Variants in VPS13B observed in about 807,000 individuals in gnomAD.
VPS13B encodes the protein intermembrane lipid transfer protein VPS13B.
A neutral mutation model predicts 426.4 loss-of-function variants in VPS13B; 285 were observed. The ratio of observed to expected loss-of-function variants is 0.67; its 90% CI spans 0.61 to 0.74. The LOEUF is 0.74. Ranked by LOEUF, VPS13B falls within the 30% of genes least tolerant of loss-of-function variation. The pLI, the probability that VPS13B is intolerant of heterozygous loss-of-function variation, is 0.00. For missense variants in VPS13B, 4,537 were observed against 4,782.6 expected, an observed-to-expected ratio of 0.95 and a Z score of 1.51; for synonymous variants, 1,676 against 1,676.4, an observed-to-expected ratio of 1.00 and a Z score of 0.01.
intron 51 of VPS13B, 28 bp from the exon 52 acceptor site, chr8:99,832,341 A>ATTTTTTTGTT: frequency 8.4e-7 from 1 of 1,192,552 alleles, no homozygotes; most frequent in Non-Finnish European, 1.1e-6. Flanking sequence ...TGCTCTCTGC[A>ATTTTTTTGTT]TTTTTTTTTT....
intron 56 of VPS13B, among the ~76,000 whole-genome samples, chr8:99,858,971 C>A (rs1011914965): frequency 3.9e-5 from 6 of 152,172 alleles, no homozygotes; most frequent in Non-Finnish European, 7.4e-5. Flanking sequence ...ACACCTGCAA[C>A]CCAAGAAGGC....
intron 2 of VPS13B, among the ~76,000 whole-genome samples, chr8:99,022,820 A>G (rs752405169): frequency 6.6e-6 from 1 of 151,676 alleles, no homozygotes; most frequent in Non-Finnish European, 1.5e-5. Flanking sequence ...AGTATCATGA[A>G]TCTCATTGTT....
chr8:99,144,070 T>C (rs1192817699), intron 13 of VPS13B, among the ~76,000 whole-genome samples: 1 of 152,006 alleles, frequency 6.6e-6, no homozygotes, highest in Non-Finnish European at 1.5e-5. Context: ...GGACCTGCCA[T>C]TTCAGATCCT....
At chr8:99,336,409 C>T (rs1215467512) in intron 19 of VPS13B, among the ~76,000 whole-genome samples, 1 of 152,096 alleles carries the variant, frequency 6.6e-6, no homozygotes, top group African/African-American at 2.4e-5. Flanking sequence ...ACCATGAAAA[C>T]CCTAGAAGAA....
intron 3 of VPS13B, among the ~76,000 whole-genome samples, chr8:99,063,277 C>G (rs2132305834): frequency 6.6e-6 from 1 of 152,306 alleles, no homozygotes; most frequent in Admixed American, 6.5e-5. Flanking sequence ...GTCGCCTCAC[C>G]CGGGAAGTGC....
At chr8:99,677,073 G>A (rs984339891) in intron 35 of VPS13B, among the ~76,000 whole-genome samples, 3 of 152,128 alleles carry the variant, frequency 2.0e-5, no homozygotes, top group Non-Finnish European at 4.4e-5. Flanking sequence ...CCGAGATCGT[G>A]TCATTGCACT....
chr8:99,306,200 A>G (rs573945358), intron 19 of VPS13B, among the ~76,000 whole-genome samples: 4 of 152,186 alleles, frequency 2.6e-5, no homozygotes, highest in African/African-American at 9.6e-5. Flanking sequence ...AGGTCAGTGA[A>G]CTATGTGGGC....
At chr8:99,341,390 A>C (rs1010767635) in intron 19 of VPS13B, 1 of 163,224 alleles carries the variant, frequency 6.1e-6, no homozygotes, top group African/African-American at 2.4e-5. Flanking sequence ...TTCTGTTTAC[A>C]GCTCCAGTTC....
intron 19 of VPS13B, among the ~76,000 whole-genome samples, chr8:99,308,869 C>T (rs1011086276): frequency 5.9e-5 from 9 of 151,832 alleles, no homozygotes; most frequent in African/African-American, 1.9e-4. Context: ...TAATGATTGC[C>T]ATTCTAACTG....
At chr8:99,073,699 CTTTTTTT>C (rs71273160) in intron 3 of VPS13B, among the ~76,000 whole-genome samples, 1 of 83,570 alleles carries the variant, frequency 1.2e-5, no homozygotes, top group Non-Finnish European at 2.4e-5. Context: ...ATTTTCTTTC[CTTTTTTT>C]TTTTTTTTTT....
intron 11 of VPS13B, 36 bp downstream of exon 11, chr8:99,135,769 G>A: frequency 6.2e-7 from 1 of 1,611,732 alleles, no homozygotes; most frequent in East Asian, 2.2e-5. Flanking sequence ...ATTCTAGGCT[G>A]TGTTTGGGTG....
intron 39 of VPS13B, among the ~76,000 whole-genome samples, chr8:99,739,195 G>A (rs540803378): frequency 6.6e-6 from 1 of 152,350 alleles, no homozygotes; most frequent in South Asian, 2.1e-4. Context: ...CTGGCTCGGA[G>A]GGTCCCATAC....
At chr8:99,469,945 A>G (rs1321326260) in intron 24 of VPS13B, among the ~76,000 whole-genome samples, 1 of 152,188 alleles carries the variant, frequency 6.6e-6, no homozygotes, top group African/African-American at 2.4e-5. Context: ...GGAGCACCCA[A>G]GATGGATAGT....
intron 34 of VPS13B, among the ~76,000 whole-genome samples, chr8:99,659,802 G>T (rs1830155446): frequency 6.6e-6 from 1 of 152,084 alleles, no homozygotes; most frequent in East Asian, 1.9e-4. Context: ...TTAGATCACT[G>T]TTTTATCTCC....
Position 99,642,251 on chromosome 8 carries a change from A to G in VPS13B, c.5661A>G (p.Lys1887=), listed in dbSNP as rs1258600855. 1 of 1,614,054 alleles carries G rather than the reference A, an allele frequency of 6.2e-7. No homozygotes were observed. The highest frequency in any genetic ancestry group is 1.3e-5 in the African/African-American group (1 of 74,922). Residue 1887 remains lysine (K), a synonymous_variant, in exon 34 of 62, where the codon AAA becomes AAG. Coordinates refer to ENST00000357162, the MANE Select transcript of VPS13B (RefSeq NM_152564.5). ...GCATTTCTTTTCCTTCAGGGAAAAAAATAGGGGTCCTCTCTCTTGAAAGTC... is the reference window on the plus strand; with the variant it reads ...GCATTTCTTTTCCTTCAGGGAAAAAGATAGGGGTCCTCTCTCTTGAAAGTC... ...RSSISFPSGK[K]IGVLSLESLH... is the part of the protein sequence containing the mutation.
intron 39 of VPS13B, among the ~76,000 whole-genome samples, chr8:99,762,178 A>G (rs1272240157): frequency 6.6e-6 from 1 of 152,082 alleles, no homozygotes; most frequent in East Asian, 1.9e-4. Context: ...AGAACATGCC[A>G]TCATGCCCAG....
intron 14 of VPS13B, among the ~76,000 whole-genome samples, chr8:99,150,231 G>T (rs951033110): frequency 5.9e-5 from 9 of 152,054 alleles, no homozygotes; most frequent in African/African-American, 2.2e-4. Flanking sequence ...TTTTAAAATA[G>T]ATACTATTTT....
intron 39 of VPS13B, among the ~76,000 whole-genome samples, chr8:99,732,259 C>G (rs1365744665): frequency 1.3e-5 from 2 of 152,198 alleles, no homozygotes; most frequent in Non-Finnish European, 1.5e-5. Flanking sequence ...GCGAATGTCT[C>G]TACGAAGTCA....
intron 17 of VPS13B, among the ~76,000 whole-genome samples, chr8:99,208,871 T>C (rs543179412): frequency 5.9e-5 from 9 of 152,328 alleles, no homozygotes; most frequent in African/African-American, 1.7e-4. Flanking sequence ...ATCTGAACAA[T>C]ATTTTACAGG....
Sources: allele counts gnomAD v4.1 joint callset (sites outside exome capture counted in the v4.1 genomes callset), GRCh38; gene constraint gnomAD v4.1.1; transcripts MANE v1.5; gene names NCBI Gene and HGNC (gene_info 2026-07-23, HGNC 2026-07-21).